The following PKP4 variants were observed in gnomAD, a reference collection of about 807,000 sequenced individuals.
The protein encoded by PKP4 is plakophilin-4.
A neutral mutation model predicts 145.1 loss-of-function variants in PKP4; 90 were observed. The ratio of observed to expected loss-of-function variants is 0.62; its 90% CI spans 0.52 to 0.74. PKP4 has a LOEUF of 0.74. Ranked by LOEUF, PKP4 falls within the 30% of genes least tolerant of loss-of-function variation. The pLI, the probability that PKP4 is intolerant of heterozygous loss-of-function variation, is 0.00. For missense variants in PKP4, 1,340 were observed against 1,482.7 expected, an observed-to-expected ratio of 0.90 and a Z score of 1.58; for synonymous variants, 563 against 577.2, an observed-to-expected ratio of 0.98 and a Z score of 0.35.
At chr2:158,521,493 G>T (rs534318366) in intron 1 of PKP4, among the ~76,000 whole-genome samples, 1 of 152,194 alleles carries the variant, frequency 6.6e-6, no homozygotes, top group African/African-American at 2.4e-5. Flanking sequence ...TATGCTGTTT[G>T]GCACAGAGCT....
Position 158,620,983 on chromosome 2 carries a change from G to A in PKP4, c.281-7G>A, listed in dbSNP as rs780890747. Reference sequence around the variant, plus strand: ...ATATTTAGCTGATTAAACTTTTCTTGTTACAGACGTGCCAAATACTGGTGT... The same window carrying A: ...ATATTTAGCTGATTAAACTTTTCTTATTACAGACGTGCCAAATACTGGTGT... On this transcript the variant is annotated splice_region_variant and splice_polypyrimidine_tract_variant and intron_variant, in intron 4 of 21. Transcript: ENST00000389759. 1.2e-6 allele frequency: 2 copies of A among 1,612,506 alleles called. No individual in the cohort carries two copies. The highest frequency in any genetic ancestry group is 2.2e-5 in the East Asian group (1 of 44,850).
intron 2 of PKP4, among the ~76,000 whole-genome samples, chr2:158,562,409 A>G (rs537779428): frequency 1.3e-5 from 2 of 152,310 alleles, no homozygotes; most frequent in Admixed American, 6.5e-5. Flanking sequence ...GTATATACAT[A>G]ATTTCATTTA....
At chr2:158,504,309 T>G (rs1437679818) in intron 1 of PKP4, among the ~76,000 whole-genome samples, 1 of 152,224 alleles carries the variant, frequency 6.6e-6, no homozygotes, top group African/African-American at 2.4e-5. Flanking sequence ...GCCTGACACA[T>G]AGTGGACACT....
chr2:158,579,460 G>C (rs75030735), intron 3 of PKP4, among the ~76,000 whole-genome samples: 1 of 146,172 alleles, frequency 6.8e-6, no homozygotes, highest in Non-Finnish European at 1.5e-5. Context: ...AAAAAAAAAA[G>C]CATTGAATTA....
At chr2:158,525,746 TAAA>T (rs2042858526) in intron 1 of PKP4, among the ~76,000 whole-genome samples, 1 of 144,264 alleles carries the variant, frequency 6.9e-6, no homozygotes, top group Admixed American at 7.0e-5. Flanking sequence ...GCAAGACTAA[TAAA>T]GAAAAAAAGA....
intron 3 of PKP4, among the ~76,000 whole-genome samples, chr2:158,597,501 A>G (rs2049855358): frequency 6.6e-6 from 1 of 152,200 alleles, no homozygotes; most frequent in African/African-American, 2.4e-5. Context: ...GTGCAAAAAT[A>G]GAGATAAATT....
chr2:158,490,839 G>A lies in PKP4; in HGVS notation c.-6+33621G>A, dbSNP rs192857838. On this transcript the variant is annotated intron_variant, in intron 1 of 21. Transcript: ENST00000389759. ...AAATTCTTTAGTTGGATGTTAGGGAGGGTTGAGCTGTTCATGTATCTCCAT... is the reference window on the plus strand; with the variant it reads ...AAATTCTTTAGTTGGATGTTAGGGAAGGTTGAGCTGTTCATGTATCTCCAT... Among the ~76,000 whole-genome samples the A allele has an allele frequency of 4.6e-4, 70 of 152,228 alleles. No individual in the cohort carries two copies. In the East Asian group the frequency reaches 0.012, roughly 27 times the overall value.
chr2:158,600,042 T>C (rs1303214738), intron 3 of PKP4, among the ~76,000 whole-genome samples: 1 of 152,230 alleles, frequency 6.6e-6, no homozygotes, highest in Non-Finnish European at 1.5e-5. Flanking sequence ...TTTATAGTGA[T>C]CTACAACATA....
At chr2:158,669,518 A>G (rs1483106705) in intron 16 of PKP4, 8 of 396,540 alleles carry the variant, frequency 2.0e-5, no homozygotes, top group Admixed American at 1.3e-4. Context: ...CATTTCTGCA[A>G]GTGACGTTGC....
At chr2:158,568,009 G>A (rs1477476719) in intron 2 of PKP4, among the ~76,000 whole-genome samples, 1 of 152,140 alleles carries the variant, frequency 6.6e-6, no homozygotes, top group Non-Finnish European at 1.5e-5. Flanking sequence ...TCAACCTTCC[G>A]TGTGCATGAG....
intron 12 of PKP4, chr2:158,660,146 G>C (rs2056417137): frequency 6.5e-6 from 1 of 152,744 alleles, no homozygotes; most frequent in South Asian, 2.1e-4. Flanking sequence ...TTGATGGGGG[G>C]AAGGGACAGG....
intron 3 of PKP4, among the ~76,000 whole-genome samples, chr2:158,591,433 A>G (rs1326147511): frequency 1.3e-5 from 2 of 152,098 alleles, no homozygotes; most frequent in Non-Finnish European, 2.9e-5. Flanking sequence ...TAATCCAGTA[A>G]TGTAGAGAAT....
At chr2:158,569,718 G>C (rs2047270756) in intron 2 of PKP4, among the ~76,000 whole-genome samples, 2 of 152,212 alleles carry the variant, frequency 1.3e-5, no homozygotes, top group Non-Finnish European at 1.5e-5. Flanking sequence ...GTTAATAGTT[G>C]TTCTTTGCAA....
At position 158,496,730 on chromosome 2, in the gene PKP4, C is replaced by T. The variant is rs576649792; in HGVS notation, c.-5-36450C>T. Among the ~76,000 whole-genome samples, 34 of 151,414 alleles carry T rather than the reference C, an allele frequency of 2.2e-4. 1 individual carries two copies. In the South Asian group the frequency reaches 6.9e-3, roughly 31 times the overall value. ...AGAGTCTCAGTCAGTGTCTCTCTTT[C>T]GCTCTCACTCTCTCTCGCCTTCTCT... is the stretch of plus-strand genomic sequence containing the variant. On this transcript the variant is annotated intron_variant, in intron 1 of 21. Transcript: ENST00000389759.
chr2:158,550,440 C>T (rs1396561968), intron 2 of PKP4, among the ~76,000 whole-genome samples: 1 of 152,144 alleles, frequency 6.6e-6, no homozygotes, highest in Non-Finnish European at 1.5e-5. Flanking sequence ...TTCATCACCC[C>T]AGAAAATGTT....
At position 158,624,898 on chromosome 2, in the gene PKP4, C is replaced by T. The variant is rs754282020; in HGVS notation, c.624C>T (p.Ala208=). 7 of 1,594,176 alleles carry T rather than the reference C, an allele frequency of 4.4e-6. No individual in the cohort carries two copies. In the Admixed American group the frequency reaches 5.1e-5, roughly 12 times the overall value. ...ATCAGCCATCAGTAGCCAATCGGGCCATGAGAAGAGTTAGTTCAGTTCCAT... is the reference window on the plus strand; with the variant it reads ...ATCAGCCATCAGTAGCCAATCGGGCTATGAGAAGAGTTAGTTCAGTTCCAT... ...TLVQPSVANR[A]MRRVSSVPSR... The change falls in exon 7 of 22, where the codon GCC becomes GCT. Residue 208 remains alanine (A), a synonymous_variant. Transcript: ENST00000389759.
chr2:158,484,697 T>C (rs1693910940), intron 1 of PKP4, among the ~76,000 whole-genome samples: 1 of 152,220 alleles, frequency 6.6e-6, no homozygotes, highest in South Asian at 2.1e-4. Flanking sequence ...TGGCATTTTA[T>C]AGAGTTGCAG....
At chr2:158,567,747 C>A (rs977848183) in intron 2 of PKP4, among the ~76,000 whole-genome samples, 1 of 152,158 alleles carries the variant, frequency 6.6e-6, no homozygotes, top group African/African-American at 2.4e-5. Context: ...GGAAGCAGGA[C>A]CCCACACCAC....
rs1341981040 is a variant in PKP4, at chr2:158,621,289, C to T, written c.471C>T (p.Tyr157=). ...TQMNSYSDSG[Y]QEAGSFHNSQ... ...TGAATTCTTATTCCGACAGTGGATA[C>T]CAGGAAGCAGGGAGTTTCCACAACA... Residue 157 remains tyrosine, a synonymous_variant, in exon 6 of 22, where the codon TAC becomes TAT. Transcript: ENST00000389759. The T allele has an allele frequency of 2.5e-6, 4 of 1,614,120 alleles. No homozygotes were observed. The highest frequency in any genetic ancestry group is 3.4e-6 in the Non-Finnish European group (4 of 1,179,994).
Sources: gnomAD v4.1 joint callset for allele counts (sites outside exome capture counted in the v4.1 genomes callset) on GRCh38, gnomAD v4.1.1 for gene constraint, MANE v1.5 for transcripts, NCBI Gene and HGNC (gene_info 2026-07-23, HGNC 2026-07-21) for gene names.